TRHDE: variants seen among roughly 807,000 people sequenced by gnomAD.
TRHDE encodes thyrotropin releasing hormone degrading enzyme.
Under a neutral mutation model 125.7 loss-of-function variants are expected in TRHDE, and 72 were observed. That is an observed-to-expected ratio of 0.57 (90% CI 0.47 to 0.70). The LOEUF is 0.70. TRHDE is among the 30% of genes least tolerant of loss of function. TRHDE has a pLI of 0.00. For synonymous variants in TRHDE, 509 were observed against 509.1 expected (o/e 1.00, Z 0.00); for missense variants, 1,110 against 1,327.1 (o/e 0.84, Z 2.54).
At chr12:72,216,782 T>C (rs1877901433) in intron 2 of TRHDE, among the ~76,000 whole-genome samples, 1 of 152,144 alleles carries the variant, frequency 6.6e-6, no homozygotes, top group African/African-American at 2.4e-5. Flanking sequence ...TGAATTAAAT[T>C]TGCATTCATT....
intron 2 of TRHDE, among the ~76,000 whole-genome samples, chr12:72,195,425 G>T (rs1055065762): frequency 6.6e-6 from 1 of 151,940 alleles, no homozygotes; most frequent in Non-Finnish European, 1.5e-5. Flanking sequence ...GTTTTTTGAC[G>T]TTTTGATAGT....
At chr12:72,156,786 A>T (rs943623640) in intron 2 of TRHDE, among the ~76,000 whole-genome samples, 1 of 152,234 alleles carries the variant, frequency 6.6e-6, no homozygotes, top group Non-Finnish European at 1.5e-5. Context: ...TCAAATATTT[A>T]TGAAGCAATT....
chr12:72,490,566 G>A (rs919738823), intron 5 of TRHDE, among the ~76,000 whole-genome samples: 1 of 151,114 alleles, frequency 6.6e-6, no homozygotes, highest in Non-Finnish European at 1.5e-5. Flanking sequence ...TATTGAAACA[G>A]CCTAAGTGTT....
In TRHDE at chr12:72,214,177, G is replaced by A. The variant is rs75137327; in HGVS notation, n.279+108425G>A. Among the ~76,000 whole-genome samples, 169 of 152,200 alleles carry A rather than the reference G, an allele frequency of 1.1e-3. 1 individual carries two copies. The highest frequency in any genetic ancestry group is 5.6e-3 in the East Asian group (29 of 5,176). ...GGCTAACATTTTTTAGAGAGGGCAC[G>A]AAGGTCTCCTAAATTCTGCTGCAGT... On this transcript the variant is annotated intron_variant and non_coding_transcript_variant, in intron 2 of 4. Coordinates refer to the TRHDE transcript ENST00000548156.
In TRHDE at chr12:72,251,837, A is replaced by T. The variant is rs542596431; in HGVS notation, n.280-126158A>T. ...ATCCTTGCCAATATTTGGTGGTGTT[A>T]CTATTTTTTAAACATTTTAACCATT... On this transcript the variant is annotated intron_variant and non_coding_transcript_variant, in intron 2 of 4. Transcript: ENST00000548156. 1.6e-3 allele frequency among the ~76,000 whole-genome samples: 236 copies of T among 152,132 alleles called. 2 individuals are homozygous for T. The highest frequency in any genetic ancestry group is 7.1e-3 in the South Asian group (34 of 4,822).
At chr12:72,088,205 T>A (rs114513113) in intron 1 of TRHDE, among the ~76,000 whole-genome samples, 1 of 152,248 alleles carries the variant, frequency 6.6e-6, no homozygotes, top group African/African-American at 2.4e-5. Context: ...AATTAAATCA[T>A]CTTCTAAGTC....
chr12:72,304,133 A>C (rs1312018055), intron 2 of TRHDE, among the ~76,000 whole-genome samples: 1 of 152,170 alleles, frequency 6.6e-6, no homozygotes, highest in Non-Finnish European at 1.5e-5. Context: ...TTTCCACTAG[A>C]CTAATTACGC....
intron 5 of TRHDE, among the ~76,000 whole-genome samples, chr12:72,486,166 C>G (rs1478007125): frequency 2.6e-5 from 4 of 152,184 alleles, no homozygotes; most frequent in Admixed American, 6.5e-5. Flanking sequence ...CAGCCACACC[C>G]CAGTTCCCTG....
intron 2 of TRHDE, among the ~76,000 whole-genome samples, chr12:72,133,564 A>G (rs572565396): frequency 6.6e-6 from 1 of 152,264 alleles, no homozygotes; most frequent in South Asian, 2.1e-4. Flanking sequence ...GTATTTTTCC[A>G]TCTGTTGGTT....
intron 12 of TRHDE, among the ~76,000 whole-genome samples, chr12:72,601,651 A>G (rs983744682): frequency 6.6e-6 from 1 of 152,156 alleles, no homozygotes; most frequent in Non-Finnish European, 1.5e-5. Context: ...ACCTTCAGCA[A>G]TCACCACTAT....
chr12:72,411,515 T>G (rs1873507000), intron 3 of TRHDE, among the ~76,000 whole-genome samples: 1 of 151,966 alleles, frequency 6.6e-6, no homozygotes, highest in African/African-American at 2.4e-5. Flanking sequence ...CAAAAATTAA[T>G]AGAGTAAAAT....
intron 2 of TRHDE, among the ~76,000 whole-genome samples, chr12:72,170,319 C>T (rs1207138872): frequency 6.6e-6 from 1 of 152,126 alleles, no homozygotes; most frequent in African/African-American, 2.4e-5. Context: ...GAACAATGCT[C>T]TTGACTTAAT....
chr12:72,344,150 G>A (rs1031083731), intron 2 of TRHDE, among the ~76,000 whole-genome samples: 9 of 151,916 alleles, frequency 5.9e-5, no homozygotes, highest in African/African-American at 2.2e-4. Context: ...ATATATTATG[G>A]CTTTTGTAGG....
At chr12:72,410,123 T>A (rs1873431886) in intron 3 of TRHDE, among the ~76,000 whole-genome samples, 1 of 152,150 alleles carries the variant, frequency 6.6e-6, no homozygotes, top group African/African-American at 2.4e-5. Flanking sequence ...ATATTAGGGC[T>A]TTATTAATAT....
At chr12:72,141,361 T>G (rs1876107212) in intron 2 of TRHDE, among the ~76,000 whole-genome samples, 1 of 152,222 alleles carries the variant, frequency 6.6e-6, no homozygotes, top group African/African-American at 2.4e-5. Flanking sequence ...CAGGGACTCA[T>G]GCTATGAGAC....
intron 5 of TRHDE, among the ~76,000 whole-genome samples, chr12:72,480,331 C>T (rs1284373315): frequency 2.6e-5 from 4 of 151,462 alleles, no homozygotes; most frequent in African/African-American, 9.7e-5. Context: ...CCTGTTGTTT[C>T]CTGACTTTTT....
chr12:72,243,030 C>T (rs1281065352), intron 2 of TRHDE, among the ~76,000 whole-genome samples: 3 of 152,206 alleles, frequency 2.0e-5, no homozygotes, highest in Non-Finnish European at 4.4e-5. Flanking sequence ...CTTTCTTCTA[C>T]TTCTGAAGGC....
chr12:72,386,998 G>T (rs980563333), intron 3 of TRHDE, among the ~76,000 whole-genome samples: 2 of 152,088 alleles, frequency 1.3e-5, no homozygotes, highest in Non-Finnish European at 2.9e-5. Context: ...TCTTCTCTTT[G>T]CTATTTACAT....
In TRHDE at chr12:72,473,105, C is replaced by T. The variant is rs763308732; in HGVS notation, c.1509C>T (p.Asp503=). 13 of 1,613,958 alleles carry T rather than the reference C, an allele frequency of 8.1e-6. No individual in the cohort carries two copies. Among genetic ancestry groups the T allele is most frequent in the Admixed American group, 3.3e-5 (2 of 60,012 alleles). ...GDLVTPVWWE[D]VWLKEGFAHY... is the part of the protein sequence containing the mutation. ...TTGTGACGCCTGTGTGGTGGGAAGA[C>T]GTGTGGCTGAAGGAAGGGTTTGCTC... Residue 503 remains aspartate (D), a synonymous_variant, in exon 5 of 19, where the codon GAC becomes GAT. Coordinates refer to ENST00000261180, the MANE Select transcript of TRHDE (RefSeq NM_013381.3).
Sources: gnomAD v4.1 joint callset for allele counts (sites outside exome capture counted in the v4.1 genomes callset) on GRCh38, gnomAD v4.1.1 for gene constraint, MANE v1.5 for transcripts, NCBI Gene and HGNC (gene_info 2026-07-23, HGNC 2026-07-21) for gene names.